MYOZ2: variants seen among roughly 807,000 people sequenced by gnomAD.
The protein encoded by MYOZ2 is myozenin 2, also known as myozenin-2.
A neutral mutation model predicts 25.4 loss-of-function variants in MYOZ2; 19 were observed. The ratio of observed to expected loss-of-function variants is 0.75; its 90% CI spans 0.52 to 1.10. MYOZ2 has a LOEUF of 1.10. Among genes scored for constraint, MYOZ2 ranks in the 50% least tolerant of loss-of-function variants. MYOZ2 has a pLI of 0.00. For synonymous variants in MYOZ2, 92 were observed against 106.9 expected (o/e 0.86, Z 0.86); for missense variants, 270 against 317.9 (o/e 0.85, Z 1.15).
At chr4:119,180,722 T>G (rs1314114777) in intron 5 of MYOZ2, among the ~76,000 whole-genome samples, 1 of 152,000 alleles carries the variant, frequency 6.6e-6, no homozygotes, top group Admixed American at 6.5e-5. Flanking sequence ...CCCAGCTAAT[T>G]TTTGTATTTT....
intron 1 of MYOZ2, 98 bp from the exon 2 acceptor site, chr4:119,136,414 A>T: frequency 9.3e-7 from 1 of 1,080,618 alleles, no homozygotes; most frequent in Non-Finnish European, 1.4e-6. Context: ...ATAACTTTTT[A>T]ATAAAGAACA....
At chr4:119,168,713 A>AACAACAACAACAAC (rs1447385114) in intron 5 of MYOZ2, among the ~76,000 whole-genome samples, 1 of 146,882 alleles carries the variant, frequency 6.8e-6, no homozygotes, top group African/African-American at 2.7e-5. Flanking sequence ...ACAACAACAA[A>AACAACAACAACAAC]AAACCACCTG....
At chr4:119,149,190 G>A (rs11098487) in intron 2 of MYOZ2, among the ~76,000 whole-genome samples, 89,711 of 152,024 alleles carry the variant, frequency 0.59, 28,772 homozygotes, top group Non-Finnish European at 0.72. Context: ...ATTGCTGGGA[G>A]AGGACAGGAG....
At chr4:119,158,299 C>A in intron 4 of MYOZ2, 148 bp downstream of exon 4, 3 of 1,083,540 alleles carry the variant, frequency 2.8e-6, no homozygotes, top group Non-Finnish European at 4.0e-6. Flanking sequence ...CGGTGGCTCC[C>A]AATCCCAGCA....
intron 5 of MYOZ2, among the ~76,000 whole-genome samples, chr4:119,174,777 G>C (rs1742022025): frequency 6.6e-6 from 1 of 152,080 alleles, no homozygotes; most frequent in South Asian, 2.1e-4. Flanking sequence ...TGGAAGCTTT[G>C]TTCTTTCACT....
intron 3 of MYOZ2, 33 bp downstream of exon 3, chr4:119,151,074 G>A (rs368978203): frequency 2.1e-5 from 33 of 1,559,194 alleles, no homozygotes; most frequent in Non-Finnish European, 2.8e-5. Flanking sequence ...GTATCCAAAT[G>A]AATGCGCAAT....
At chr4:119,170,140 C>T (rs529417303) in intron 5 of MYOZ2, among the ~76,000 whole-genome samples, 2 of 152,224 alleles carry the variant, frequency 1.3e-5, no homozygotes, top group East Asian at 1.9e-4. Flanking sequence ...TCTGGTAAAA[C>T]TGAAACTCTG....
intron 3 of MYOZ2, among the ~76,000 whole-genome samples, chr4:119,155,272 G>A (rs1165985575): frequency 1.3e-5 from 2 of 152,314 alleles, no homozygotes; most frequent in African/African-American, 4.8e-5. Flanking sequence ...ATGAGATTTA[G>A]AGGGGACAAA....
chr4:119,161,393 A>G (rs946158090), intron 4 of MYOZ2, among the ~76,000 whole-genome samples: 9 of 152,172 alleles, frequency 5.9e-5, no homozygotes, highest in Admixed American at 3.9e-4. Flanking sequence ...TTAATTTGTT[A>G]TAGTGATTAG....
intron 5 of MYOZ2, among the ~76,000 whole-genome samples, chr4:119,167,215 T>G (rs1211510756): frequency 6.6e-6 from 1 of 152,152 alleles, no homozygotes; most frequent in East Asian, 1.9e-4. Flanking sequence ...AGTGAACACA[T>G]GAATGATAAA....
At chr4:119,157,352 G>A (rs1477537874) in intron 3 of MYOZ2, among the ~76,000 whole-genome samples, 6 of 151,930 alleles carry the variant, frequency 3.9e-5, no homozygotes, top group African/African-American at 7.3e-5. Context: ...ACATTTTTAA[G>A]GTGCTATATT....
intron 2 of MYOZ2, among the ~76,000 whole-genome samples, chr4:119,141,667 C>T (rs1157787052): frequency 1.3e-5 from 2 of 152,186 alleles, no homozygotes; most frequent in African/African-American, 4.8e-5. Flanking sequence ...CAGGCATGAA[C>T]CACCATGCCC....
chr4:119,163,433 CTG>C (rs1444720427), intron 4 of MYOZ2, among the ~76,000 whole-genome samples: 2 of 152,136 alleles, frequency 1.3e-5, no homozygotes, highest in African/African-American at 4.8e-5. Flanking sequence ...AAGTAGATAA[CTG>C]TGCCTTAGAA....
At chr4:119,183,767 A>T (rs1742236636) in intron 5 of MYOZ2, among the ~76,000 whole-genome samples, 1 of 149,924 alleles carries the variant, frequency 6.7e-6, no homozygotes, top group Non-Finnish European at 1.5e-5. Flanking sequence ...ACAAGTCATC[A>T]TTTCTTGCTT....
chr4:119,177,912 T>C (rs1348393246), intron 5 of MYOZ2, among the ~76,000 whole-genome samples: 1 of 152,232 alleles, frequency 6.6e-6, no homozygotes, highest in African/African-American at 2.4e-5. Context: ...CTCTTCCAAT[T>C]ACCTCAAATT....
In MYOZ2 at chr4:119,186,562, C is replaced by A; in HGVS notation, c.*362C>A. On this transcript the variant is annotated 3_prime_UTR_variant, in exon 6 of 6. Coordinates refer to ENST00000307128, the MANE Select transcript of MYOZ2 (RefSeq NM_016599.5). ...TCAAGTGGAATCTAGAATCAAAATA[C>A]AGGGAGAGATATGAAGACCTATTCA... 1 of 249,370 alleles carries A rather than the reference C, an allele frequency of 4.0e-6. No homozygotes were observed. The highest frequency in any genetic ancestry group is 7.8e-6 in the Non-Finnish European group (1 of 128,138). 15.4% of individuals were successfully genotyped at this position (249,370 alleles called of 1,614,324 possible).
At chr4:119,138,798 G>T (rs987724148) in intron 2 of MYOZ2, among the ~76,000 whole-genome samples, 2 of 151,996 alleles carry the variant, frequency 1.3e-5, no homozygotes, top group Non-Finnish European at 1.5e-5. Flanking sequence ...AGTATAAAAT[G>T]TGACAATGAG....
At chr4:119,171,933 T>A (rs930993718) in intron 5 of MYOZ2, among the ~76,000 whole-genome samples, 2 of 151,936 alleles carry the variant, frequency 1.3e-5, no homozygotes, top group Admixed American at 1.3e-4. Context: ...TAAAATAATA[T>A]TGTTTGGTAG....
At chr4:119,171,362 T>G (rs929450116) in intron 5 of MYOZ2, among the ~76,000 whole-genome samples, 2 of 152,054 alleles carry the variant, frequency 1.3e-5, no homozygotes, top group Admixed American at 1.3e-4. Context: ...TAGTATTAAT[T>G]AACTTTTACC....
Sources: allele counts gnomAD v4.1 joint callset (sites outside exome capture counted in the v4.1 genomes callset), GRCh38; gene constraint gnomAD v4.1.1; transcripts MANE v1.5; gene names NCBI Gene and HGNC (gene_info 2026-07-23, HGNC 2026-07-21).